The following PCDHA5 variants were observed in gnomAD, a reference collection of about 807,000 sequenced individuals.
PCDHA5 encodes the protein protocadherin alpha-5.
In PCDHA5, 43 loss-of-function variants were observed where a neutral mutation model predicts 61.6. The observed-to-expected ratio is 0.70, with a 90% CI of 0.55 to 0.90. The LOEUF (loss-of-function observed/expected upper bound fraction) is 0.90. PCDHA5 is among the 40% of genes least tolerant of loss of function. PCDHA5 has a pLI of 0.00. For synonymous variants in PCDHA5, 627 were observed against 543.9 expected (o/e 1.15, Z -2.13); for missense variants, 1,298 against 1,222.7 (o/e 1.06, Z -0.92).
At chr5:140,829,509 A>G in intron 1 of PCDHA5, 1 of 1,613,556 alleles carries the variant, frequency 6.2e-7, no homozygotes, top group Non-Finnish European at 8.5e-7. Flanking sequence ...CCGGGCTGCC[A>G]CATCTTCACG....
chr5:140,883,362 C>T lies in PCDHA5; in HGVS notation c.2352+59235C>T, dbSNP rs1554177843. ...CTCCCCATCAGAGAAGACACTCAGC[C>T]TAGCGCCATTATTGCCCTAATCAGT... On this transcript the variant is annotated intron_variant, in intron 1 of 3. Transcript: ENST00000529859. The T allele has an allele frequency of 1.7e-5, 27 of 1,614,074 alleles. No homozygotes were observed. Among genetic ancestry groups the T allele is most frequent in the Non-Finnish European group, 2.3e-5 (27 of 1,180,046 alleles).
chr5:140,863,521 G>T, intron 1 of PCDHA5: 1 of 397,734 alleles, frequency 2.5e-6, no homozygotes, highest in Non-Finnish European at 4.9e-6. Context: ...GTTCTCCCAT[G>T]GTTCAGATTT....
intron 1 of PCDHA5, among the ~76,000 whole-genome samples, chr5:140,913,256 T>C (rs1162098506): frequency 6.6e-6 from 1 of 152,208 alleles, no homozygotes; most frequent in East Asian, 1.9e-4. Context: ...ACAACTTTGA[T>C]CTAATTACTT....
At chr5:140,998,014 C>T (rs1554256135) in intron 3 of PCDHA5, among the ~76,000 whole-genome samples, 1 of 152,162 alleles carries the variant, frequency 6.6e-6, no homozygotes, top group Non-Finnish European at 1.5e-5. Context: ...TCCATCCCCA[C>T]CTCGAGCTAG....
chr5:140,876,313 A>T, intron 1 of PCDHA5: 1 of 1,614,022 alleles, frequency 6.2e-7, no homozygotes, highest in East Asian at 2.2e-5. Flanking sequence ...TTCCTATGGG[A>T]TCAAAATGAT....
At chr5:140,873,395 C>T (rs1376459228) in intron 1 of PCDHA5, among the ~76,000 whole-genome samples, 1 of 152,094 alleles carries the variant, frequency 6.6e-6, no homozygotes, top group African/African-American at 2.4e-5. Context: ...GGAATGTTTT[C>T]AGTACAGGTT....
chr5:140,965,857 A>G (rs1563345275), intron 1 of PCDHA5, among the ~76,000 whole-genome samples: 1 of 152,220 alleles, frequency 6.6e-6, no homozygotes, highest in South Asian at 2.1e-4. Context: ...GCACACACTG[A>G]AAATAAGGGC....
At chr5:140,849,767 G>A (rs1373587941) in intron 1 of PCDHA5, 1 of 1,598,498 alleles carries the variant, frequency 6.3e-7, no homozygotes, top group Non-Finnish European at 8.6e-7. Flanking sequence ...ACGAGCTGGT[G>A]GTTACCGCGC....
chr5:140,950,279 C>G (rs938821559), intron 1 of PCDHA5, among the ~76,000 whole-genome samples: 11 of 151,924 alleles, frequency 7.2e-5, no homozygotes, highest in African/African-American at 2.4e-4. Flanking sequence ...TGTCTTTTTG[C>G]TTCAACCTGA....
At chr5:140,962,174 C>T (rs1365738124) in intron 1 of PCDHA5, among the ~76,000 whole-genome samples, 1 of 152,100 alleles carries the variant, frequency 6.6e-6, no homozygotes, top group Admixed American at 6.6e-5. Context: ...CACACCCGGC[C>T]ACTTATATCA....
chr5:140,824,547 G>T (rs1233636687), intron 1 of PCDHA5: 1 of 183,508 alleles, frequency 5.4e-6, no homozygotes, highest in South Asian at 1.5e-4. Context: ...AAACTCCTGG[G>T]CTCAAGTGAT....
chr5:140,978,989 T>G lies in PCDHA5; in HGVS notation c.2393T>G (p.Leu798Arg). 1 of 1,614,212 alleles carries G rather than the reference T, an allele frequency of 6.2e-7. No individual in the cohort carries two copies. Among genetic ancestry groups the G allele is most frequent in the Non-Finnish European group, 8.5e-7 (1 of 1,180,034 alleles). Residue 798 changes from leucine to arginine, a missense_variant, in exon 2 of 4, where the codon CTG (leucine) becomes CGG (arginine). Transcript: ENST00000529859. Reference protein sequence around the residue: ...PNPDWRYSASLRAGMHSSVHL... With the variant: ...PNPDWRYSASRRAGMHSSVHL... ...CCTGACTGGCGTTACTCTGCCTCCC[T>G]GAGAGCAGGCATGCACAGGTATGTA...
At chr5:140,828,950 G>A (rs2150161338) in intron 1 of PCDHA5, 72 of 1,614,042 alleles carry the variant, frequency 4.5e-5, no homozygotes, top group Admixed American at 1.5e-4. Context: ...CCTTGTTGCA[G>A]CCATGGTTAT....
intron 1 of PCDHA5, chr5:140,863,222 A>C: frequency 9.0e-7 from 1 of 1,110,392 alleles, no homozygotes; most frequent in Non-Finnish European, 1.3e-6. Flanking sequence ...CAAGCGAGGA[A>C]GGTCCCATCG....
chr5:140,863,403 C>A (rs1554158174), intron 1 of PCDHA5: 1 of 835,368 alleles, frequency 1.2e-6, no homozygotes, highest in South Asian at 1.3e-5. Flanking sequence ...CGGGCAAGCC[C>A]ACGCTGGTGT....
chr5:140,877,531 G>C, intron 1 of PCDHA5: 1 of 1,613,792 alleles, frequency 6.2e-7, no homozygotes, highest in Non-Finnish European at 8.5e-7. Context: ...AGTGGGCGCT[G>C]TGGATCCCGA....
At chr5:140,971,958 C>G (rs2096508715) in intron 1 of PCDHA5, among the ~76,000 whole-genome samples, 1 of 152,054 alleles carries the variant, frequency 6.6e-6, no homozygotes, top group Non-Finnish European at 1.5e-5. Context: ...ACTCCAAAAA[C>G]TTTTTTTCAA....
chr5:140,940,940 G>A (rs187772223), intron 1 of PCDHA5, among the ~76,000 whole-genome samples: 2 of 152,254 alleles, frequency 1.3e-5, no homozygotes, highest in Non-Finnish European at 2.9e-5. Context: ...CTTAGACTAC[G>A]TATTCTCAGA....
intron 1 of PCDHA5, chr5:140,858,620 C>T (rs570456010): frequency 8.8e-7 from 1 of 1,142,316 alleles, no homozygotes; most frequent in Non-Finnish European, 1.2e-6. Context: ...TTATCCTACC[C>T]AGTGTGTCAG....
Sources: gnomAD v4.1 joint callset for allele counts (sites outside exome capture counted in the v4.1 genomes callset) on GRCh38, gnomAD v4.1.1 for gene constraint, MANE v1.5 for transcripts, NCBI Gene and HGNC (gene_info 2026-07-23, HGNC 2026-07-21) for gene names.